AKT3: variants seen among roughly 807,000 people sequenced by gnomAD.
AKT3 encodes the protein RAC-gamma serine/threonine-protein kinase.
Under a neutral mutation model 65.3 loss-of-function variants are expected in AKT3, and 15 were observed. The ratio of observed to expected loss-of-function variants is 0.23; its 90% CI spans 0.15 to 0.35. The LOEUF (loss-of-function observed/expected upper bound fraction) is 0.35. Among genes scored for constraint, AKT3 ranks in the 10% least tolerant of loss-of-function variants. The pLI is 1.00. For missense variants in AKT3, 243 were observed against 576.5 expected, an observed-to-expected ratio of 0.42 and a Z score of 5.92; for synonymous variants, 206 against 183.8, an observed-to-expected ratio of 1.12 and a Z score of -0.98.
intron 4 of AKT3, among the ~76,000 whole-genome samples, chr1:243,652,181 A>T (rs534761239): frequency 4.6e-5 from 7 of 151,636 alleles, no homozygotes; most frequent in Non-Finnish European, 8.8e-5. Context: ...CCAAGTAGCT[A>T]GGAGTACAGG....
chr1:243,774,213 T>C (rs1451459720), intron 2 of AKT3, among the ~76,000 whole-genome samples: 1 of 152,354 alleles, frequency 6.6e-6, no homozygotes, highest in East Asian at 1.9e-4. Context: ...GTTTATTTTT[T>C]ACACTGTGAA....
chr1:243,631,350 C>T (rs769306671), intron 6 of AKT3, among the ~76,000 whole-genome samples: 2 of 152,164 alleles, frequency 1.3e-5, no homozygotes, highest in African/African-American at 2.4e-5. Context: ...CTTGCTCTGG[C>T]ACCCAGGCTG....
intron 6 of AKT3, among the ~76,000 whole-genome samples, chr1:243,622,573 T>C (rs1222446560): frequency 1.3e-5 from 2 of 152,330 alleles, no homozygotes; most frequent in Admixed American, 6.5e-5. Flanking sequence ...GTGTTCGACA[T>C]ATATTTATTG....
chr1:243,652,685 G>A (rs568257613), intron 4 of AKT3, among the ~76,000 whole-genome samples: 68 of 139,764 alleles, frequency 4.9e-4, no homozygotes, highest in Non-Finnish European at 8.8e-4. Context: ...TCAATGTGCT[G>A]TATTCAGGAG....
chr1:243,666,968 T>C (rs1682829702), intron 3 of AKT3, among the ~76,000 whole-genome samples: 2 of 152,180 alleles, frequency 1.3e-5, no homozygotes, highest in Admixed American at 6.5e-5. Flanking sequence ...CTGTGCATGT[T>C]GTGATCACGT....
At chr1:243,522,596 C>A (rs887486547) in intron 12 of AKT3, among the ~76,000 whole-genome samples, 1 of 151,956 alleles carries the variant, frequency 6.6e-6, no homozygotes, top group Non-Finnish European at 1.5e-5. Flanking sequence ...GCTGTGATTG[C>A]GCCACTGCAC....
At chr1:243,537,284 C>T (rs146904106) in intron 12 of AKT3, among the ~76,000 whole-genome samples, 2 of 152,212 alleles carry the variant, frequency 1.3e-5, no homozygotes, top group African/African-American at 4.8e-5. Flanking sequence ...TAGCCCTCTC[C>T]TCCTTAATCA....
chr1:243,672,277 G>C (rs1175381843), intron 3 of AKT3, among the ~76,000 whole-genome samples: 1 of 152,212 alleles, frequency 6.6e-6, no homozygotes, highest in Non-Finnish European at 1.5e-5. Context: ...GAAGGCAAGA[G>C]AGCCTTTGGG....
chr1:243,618,242 C>G (rs1399616927), intron 6 of AKT3, among the ~76,000 whole-genome samples: 1 of 152,074 alleles, frequency 6.6e-6, no homozygotes, highest in Non-Finnish European at 1.5e-5. Flanking sequence ...AAAGCAAAAA[C>G]AGTATTTGTT....
intron 4 of AKT3, among the ~76,000 whole-genome samples, chr1:243,658,600 C>G (rs1290565443): frequency 6.6e-6 from 1 of 152,092 alleles, no homozygotes; most frequent in Non-Finnish European, 1.5e-5. Context: ...CCAAATGAAC[C>G]AGCAATCACA....
downstream of AKT3, among the ~76,000 whole-genome samples, chr1:243,498,559 T>C (rs1436979153): frequency 2.0e-5 from 3 of 152,206 alleles, no homozygotes; most frequent in Non-Finnish European, 4.4e-5. Context: ...CTCACAGACC[T>C]GTTCAAGAAA....
At chr1:243,645,867 G>A (rs1289039281) in intron 5 of AKT3, 26 bp downstream of exon 5, 2 of 1,578,512 alleles carry the variant, frequency 1.3e-6, no homozygotes, top group African/African-American at 1.4e-5. Flanking sequence ...TGAATGCTGT[G>A]CTGGGAATAA....
intron 2 of AKT3, among the ~76,000 whole-genome samples, chr1:243,805,183 C>T (rs1287459080): frequency 1.3e-5 from 2 of 152,130 alleles, no homozygotes; most frequent in East Asian, 1.9e-4. Flanking sequence ...GAGAAATTCC[C>T]TCTTTTTTCC....
At chr1:243,755,681 A>G (rs1286675397) in intron 2 of AKT3, among the ~76,000 whole-genome samples, 1 of 152,236 alleles carries the variant, frequency 6.6e-6, no homozygotes, top group African/African-American at 2.4e-5. Flanking sequence ...TAGTCATTAG[A>G]TAAGTTTAGA....
chr1:243,565,631 T>C (rs1674101959), intron 9 of AKT3, among the ~76,000 whole-genome samples: 1 of 152,088 alleles, frequency 6.6e-6, no homozygotes, highest in African/African-American at 2.4e-5. Flanking sequence ...TGACAATAAG[T>C]CTTGTATATT....
intron 8 of AKT3, among the ~76,000 whole-genome samples, chr1:243,582,319 GA>G (rs578214660): frequency 6.7e-6 from 1 of 149,532 alleles, no homozygotes; most frequent in African/African-American, 2.5e-5. Flanking sequence ...CAACACTAAA[GA>G]AAAAAAAATC....
chr1:243,640,131 A>G (rs1680262389), intron 5 of AKT3, among the ~76,000 whole-genome samples: 1 of 152,234 alleles, frequency 6.6e-6, no homozygotes, highest in South Asian at 2.1e-4. Flanking sequence ...ATAAAGTAGC[A>G]AAGAGATAGC....
At chr1:243,845,062 C>G (rs1225542786) in intron 1 of AKT3, among the ~76,000 whole-genome samples, 3 of 152,126 alleles carry the variant, frequency 2.0e-5, no homozygotes, top group Non-Finnish European at 4.4e-5. Context: ...TGATACATAG[C>G]AGTTAAGTTC....
chr1:243,782,019 T>C (rs1201361666), intron 2 of AKT3, among the ~76,000 whole-genome samples: 1 of 152,204 alleles, frequency 6.6e-6, no homozygotes, highest in Admixed American at 6.5e-5. Flanking sequence ...AGTGGAGTCT[T>C]GCTATGTTGT....
Sources: gnomAD v4.1 joint callset for allele counts (sites outside exome capture counted in the v4.1 genomes callset) on GRCh38, gnomAD v4.1.1 for gene constraint, MANE v1.5 for transcripts, NCBI Gene and HGNC (gene_info 2026-07-23, HGNC 2026-07-21) for gene names.